NFIL3: variants seen among roughly 807,000 people sequenced by gnomAD.
NFIL3 encodes nuclear factor, interleukin 3 regulated, also known as nuclear factor interleukin-3-regulated protein.
Under a neutral mutation model 10.0 loss-of-function variants are expected in NFIL3, and 5 were observed. The ratio of observed to expected loss-of-function variants is 0.50; its 90% CI spans 0.26 to 1.06. The LOEUF (loss-of-function observed/expected upper bound fraction) is 1.06. Among genes scored for constraint, NFIL3 ranks in the 50% least tolerant of loss-of-function variants. The probability of loss-of-function intolerance (pLI) is 0.13; values close to 1 mark genes in which losing one functional copy is unlikely to be tolerated. For synonymous variants in NFIL3, 202 were observed against 206.5 expected, an observed-to-expected ratio of 0.98 and a Z score of 0.19; for missense variants, 436 against 547.6, an observed-to-expected ratio of 0.80 and a Z score of 2.03.
At position 91,410,616 on chromosome 9, in the gene NFIL3, G is replaced by C. The variant is rs758380282; in HGVS notation, c.119C>G (p.Thr40Arg). Residue 40 changes from threonine (T) to arginine (R), a missense_variant, in exon 2 of 2, where the codon ACA becomes AGA. By Grantham distance (71) the Thr-to-Arg change is moderately conservative. Coordinates refer to ENST00000297689, the MANE Select transcript of NFIL3 (RefSeq NM_005384.3). The surrounding 1 kb of genome is among the most constrained non-coding windows in gnomAD (Gnocchi z 5.7). ...ACTGAGAAGCAGCTCCTCACCTGTTGTGGAGTCTTCTGACACTTCCGTTAA... is the reference window on the plus strand; with the variant it reads ...ACTGAGAAGCAGCTCCTCACCTGTTCTGGAGTCTTCTGACACTTCCGTTAA... ...SALTEVSEDSTTGEELLLSEG... is the reference protein window; with the variant it reads ...SALTEVSEDSRTGEELLLSEG... 1.9e-6 allele frequency: 3 copies of C among 1,614,066 alleles called. No homozygotes were observed. The highest frequency in any genetic ancestry group is 2.5e-6 in the Non-Finnish European group (3 of 1,180,040).
At chr9:91,467,276 T>C in the NFIL3 span, among the ~76,000 whole-genome samples, 1 of 152,172 alleles carries the variant, frequency 6.6e-6, no homozygotes, top group East Asian at 1.9e-4. Flanking sequence ...TACATGTGTA[T>C]ATGATGTATG....
At chr9:91,474,912 T>G in the NFIL3 span, among the ~76,000 whole-genome samples, 3 of 152,204 alleles carry the variant, frequency 2.0e-5, no homozygotes, top group African/African-American at 4.8e-5. Context: ...GACAAAGTCC[T>G]GCCTATATAT....
chr9:91,421,768 T>C (rs1833774220), intron 1 of NFIL3, among the ~76,000 whole-genome samples: 1 of 152,184 alleles, frequency 6.6e-6, no homozygotes, highest in Admixed American at 6.5e-5. Flanking sequence ...ACTGCAATTA[T>C]TTGGGGTAAT....
chr9:91,467,902 T>C, the NFIL3 span, among the ~76,000 whole-genome samples: 1 of 152,242 alleles, frequency 6.6e-6, no homozygotes, highest in African/African-American at 2.4e-5. Flanking sequence ...TTCCATGGTG[T>C]TTATGTGCCA....
At chr9:91,413,317 T>C (rs1833591157) in intron 1 of NFIL3, among the ~76,000 whole-genome samples, 1 of 152,088 alleles carries the variant, frequency 6.6e-6, no homozygotes, top group South Asian at 2.1e-4. Flanking sequence ...GGTGCAATCT[T>C]GGTGCACTGC....
rs201092809 is a variant in NFIL3 at position 91,421,242 on chromosome 9, GTCCCTGGC to G, written c.-173+2390_-173+2397del. Among the ~76,000 whole-genome samples the G allele has an allele frequency of 2.5e-4, 37 of 150,974 alleles. No individual in the cohort carries two copies. The South Asian group carries it at 4.8e-3, about 20-fold the overall frequency. ...CTGTCTGCCCCGTGCGGGAGCCGGG[GTCCCTGGC>G]TCCCTGGCTCCCTGGCTCCCGCGGC... On this transcript the variant is annotated intron_variant, in intron 1 of 1. Transcript: ENST00000297689.
At chr9:91,455,007 C>G in the NFIL3 span, among the ~76,000 whole-genome samples, 1 of 152,160 alleles carries the variant, frequency 6.6e-6, no homozygotes, top group Non-Finnish European at 1.5e-5. Flanking sequence ...TCTGCATGCT[C>G]TTTGCCTCCA....
chr9:91,436,854 A>C, the NFIL3 span, among the ~76,000 whole-genome samples: 11 of 152,318 alleles, frequency 7.2e-5, no homozygotes, highest in Non-Finnish European at 1.6e-4. Context: ...ACAATTTCCT[A>C]CTGACACTAT....
At chr9:91,436,429 T>C in the NFIL3 span, among the ~76,000 whole-genome samples, 1 of 149,056 alleles carries the variant, frequency 6.7e-6, no homozygotes, top group Non-Finnish European at 1.5e-5. Context: ...ATACAAAAAA[T>C]TAGCCGGGCG....
chr9:91,472,921 A>G, the NFIL3 span, among the ~76,000 whole-genome samples: 1 of 152,088 alleles, frequency 6.6e-6, no homozygotes, highest in Admixed American at 6.5e-5. Flanking sequence ...TGTTGATGCT[A>G]TTCCTTTCTA....
At chr9:91,420,527 G>C (rs1233883687) in intron 1 of NFIL3, among the ~76,000 whole-genome samples, 1 of 152,042 alleles carries the variant, frequency 6.6e-6, no homozygotes, top group Admixed American at 6.5e-5. Flanking sequence ...TAACAAGCTG[G>C]GGCCTGGGAC....
chr9:91,442,797 C>T, the NFIL3 span, among the ~76,000 whole-genome samples: 1 of 152,156 alleles, frequency 6.6e-6, no homozygotes, highest in Non-Finnish European at 1.5e-5. Context: ...GAGGGTGCCA[C>T]AGCCCTGGCT....
chr9:91,468,238 G>A, the NFIL3 span, among the ~76,000 whole-genome samples: 194 of 152,294 alleles, frequency 1.3e-3, 1 homozygote, highest in African/African-American at 4.1e-3. Context: ...TCTAACTGGC[G>A]TGAGATGGTA....
At chr9:91,468,627 A>G in the NFIL3 span, among the ~76,000 whole-genome samples, 1 of 151,986 alleles carries the variant, frequency 6.6e-6, no homozygotes, top group Non-Finnish European at 1.5e-5. Flanking sequence ...CTATGTCCTG[A>G]ATGGTATTGC....
the NFIL3 span, among the ~76,000 whole-genome samples, chr9:91,454,361 C>A: frequency 2.0e-5 from 3 of 151,644 alleles, no homozygotes; most frequent in Admixed American, 1.3e-4. Context: ...TTCTGGGAGG[C>A]TTTTTATCCC....
At chr9:91,427,833 T>G (rs1284603339), upstream of NFIL3, among the ~76,000 whole-genome samples, 1 of 151,516 alleles carries the variant, frequency 6.6e-6, no homozygotes, top group Non-Finnish European at 1.5e-5. Flanking sequence ...TTTGTTAGAG[T>G]CAGTGTCTCT....
In NFIL3 at chr9:91,409,734, A is replaced by ATGGCTT; in HGVS notation, c.995_1000dup (p.Lys332_Ala333dup). 1 of 1,614,192 alleles carries ATGGCTT rather than the reference A, an allele frequency of 6.2e-7. No individual in the cohort carries two copies. Among genetic ancestry groups the ATGGCTT allele is most frequent in the Non-Finnish European group, 8.5e-7 (1 of 1,180,028 alleles). On this transcript the variant is annotated inframe_insertion, in exon 2 of 2. Transcript: ENST00000297689. The stretch of plus-strand genomic sequence containing the variant: ...ATCAAAGGCTTCTACTTTGATCTGC[A>ATGGCTT]TGGCTTTGGCTTTGATCCGGAGCTT...
In NFIL3 at chr9:91,410,103, G is replaced by A; in HGVS notation, c.632C>T (p.Pro211Leu). Residue 211 changes from proline (P) to leucine (L), a missense_variant, in exon 2 of 2, where the codon CCT (proline) becomes CTT (leucine). Physicochemically the swap from Pro to Leu is moderately conservative, Grantham distance 98. Transcript: ENST00000297689. This position sits in a 1 kb window ranked among gnomAD's most constrained non-coding sequence, Gnocchi z 5.7. ...CTTGATAATCTGGAACTTGTTTTCA[G>A]GACTTCTGCAGCTTCCCTGCACAGA... ...ESSVQGSCRS[P>L]ENKFQIIKQE... 1 of 1,613,964 alleles carries A rather than the reference G, an allele frequency of 6.2e-7. No homozygotes were observed. Among genetic ancestry groups the A allele is most frequent in the Non-Finnish European group, 8.5e-7 (1 of 1,180,028 alleles).
chr9:91,468,559 AT>A, the NFIL3 span, among the ~76,000 whole-genome samples: 1 of 152,026 alleles, frequency 6.6e-6, no homozygotes, highest in South Asian at 2.1e-4. Context: ...CCATTTATCT[AT>A]TTTGGCTTTT....
Sources: allele counts gnomAD v4.1 joint callset (sites outside exome capture counted in the v4.1 genomes callset), GRCh38; gene constraint gnomAD v4.1.1; non-coding constraint Gnocchi (gnomAD v3.1); transcripts MANE v1.5; gene names NCBI Gene and HGNC (gene_info 2026-07-23, HGNC 2026-07-21).